TNS1: variants seen among roughly 807,000 people sequenced by gnomAD.
TNS1 encodes tensin 1, also known as tensin-1.
Under a neutral mutation model 168.6 loss-of-function variants are expected in TNS1, and 62 were observed. That is an observed-to-expected ratio of 0.37 (90% CI 0.30 to 0.45). The LOEUF (loss-of-function observed/expected upper bound fraction) is 0.45, where lower values mean the gene tolerates loss of function less well. Among genes scored for constraint, TNS1 ranks in the 20% least tolerant of loss-of-function variants. The pLI is 1.00. For missense variants in TNS1, 2,240 were observed against 2,339.4 expected, an observed-to-expected ratio of 0.96 and a Z score of 0.88; for synonymous variants, 934 against 933.2, an observed-to-expected ratio of 1.00 and a Z score of -0.02.
intron 4 of TNS1, among the ~76,000 whole-genome samples, chr2:217,910,017 CG>C (rs1485446473): frequency 6.6e-6 from 1 of 152,158 alleles, no homozygotes; most frequent in African/African-American, 2.4e-5. Context: ...TCTCTAGCCT[CG>C]GGGCAGCACC....
intron 18 of TNS1, chr2:217,879,455 C>T (rs557310656): frequency 1.1e-5 from 5 of 454,434 alleles, no homozygotes; most frequent in Admixed American, 9.4e-5. Flanking sequence ...TCACAAGCAG[C>T]CTGGGGGGTC....
At chr2:217,892,797 G>A in intron 11 of TNS1, 151 bp downstream of exon 11, 1 of 779,946 alleles carries the variant, frequency 1.3e-6, no homozygotes, top group Non-Finnish European at 2.0e-6. Flanking sequence ...TCCTGCCTCA[G>A]AGCCAGGGGC....
intron 1 of TNS1, among the ~76,000 whole-genome samples, chr2:218,024,031 A>G (rs748643889): frequency 3.9e-5 from 6 of 152,222 alleles, no homozygotes; most frequent in Admixed American, 3.9e-4. Context: ...AGAGCTTGGC[A>G]TATGCTCTAT....
At chr2:217,911,741 C>G (rs948334053) in intron 4 of TNS1, among the ~76,000 whole-genome samples, 2 of 152,182 alleles carry the variant, frequency 1.3e-5, no homozygotes, top group Admixed American at 1.3e-4. Flanking sequence ...GCTGTTTGAA[C>G]CTTGCTCCTC....
intron 4 of TNS1, among the ~76,000 whole-genome samples, chr2:217,916,448 C>T (rs1339188104): frequency 3.9e-5 from 6 of 152,194 alleles, no homozygotes; most frequent in African/African-American, 9.6e-5. Context: ...TGACATCCGC[C>T]GACCTTGGTG....
chr2:217,874,044 A>G lies in TNS1; in HGVS notation c.1429+6854T>C, dbSNP rs1189666034. Among the ~76,000 whole-genome samples, 7 of 137,214 alleles carry G rather than the reference A, an allele frequency of 5.1e-5. No individual in the cohort carries two copies. The East Asian group carries it at 1.7e-3, about 33-fold the overall frequency. 90.0% of individuals were successfully genotyped at this position (137,214 alleles called of 152,430 possible). The stretch of plus-strand genomic sequence containing the variant: ...AACCAACACACACACACACACACAC[A>G]CACACACACAGCTAGCAGCCAGGTA... On this transcript the variant is annotated intron_variant, in intron 18 of 32. Transcript: ENST00000682258.
At position 217,948,336 on chromosome 2, in the gene TNS1, G is replaced by C. The variant is rs989249809; in HGVS notation, c.187-28100C>G. On this transcript the variant is annotated intron_variant, in intron 3 of 32. Coordinates refer to ENST00000682258, the MANE Select transcript of TNS1 (RefSeq NM_001387777.1). The surrounding 1 kb of genome is among the most constrained non-coding windows in gnomAD (Gnocchi z 4.1). ...TCTCTTCTTCCCCCTCCATCACAGA[G>C]AAGGAAGGGCCACATGCCCAGGTCC... Among the ~76,000 whole-genome samples the C allele has an allele frequency of 2.0e-5, 3 of 152,156 alleles. No individual in the cohort carries two copies. The highest frequency in any genetic ancestry group is 7.2e-5 in the African/African-American group (3 of 41,438).
intron 18 of TNS1, among the ~76,000 whole-genome samples, chr2:217,863,255 C>T (rs1292191569): frequency 6.6e-6 from 1 of 152,034 alleles, no homozygotes; most frequent in African/African-American, 2.4e-5. Flanking sequence ...GCAGGTGGGA[C>T]AGGTGAGATC....
At chr2:217,970,471 A>C (rs1220962509) in intron 3 of TNS1, among the ~76,000 whole-genome samples, 2 of 152,230 alleles carry the variant, frequency 1.3e-5, no homozygotes, top group Non-Finnish European at 2.9e-5. Context: ...AACATTAGTC[A>C]TAATAACCAA....
At chr2:217,906,491 C>T (rs887639477) in intron 5 of TNS1, 106 bp from the exon 6 acceptor site, 9 of 675,430 alleles carry the variant, frequency 1.3e-5, no homozygotes, top group Non-Finnish European at 2.2e-5. Flanking sequence ...GGCAGAGGGG[C>T]CTGGGAAAGA....
chr2:217,909,423 G>C (rs190301374), intron 4 of TNS1, among the ~76,000 whole-genome samples: 1 of 152,108 alleles, frequency 6.6e-6, no homozygotes, highest in Admixed American at 6.5e-5. Context: ...CCCCAGGCCC[G>C]TTCAGGGCCC....
chr2:218,011,730 A>G (rs577424978), upstream of TNS1, among the ~76,000 whole-genome samples: 16 of 151,648 alleles, frequency 1.1e-4, no homozygotes, highest in African/African-American at 2.9e-4. Context: ...GCCCGTCCCC[A>G]TTGCAGCTCC....
Position 217,905,402 on chromosome 2 carries a change from A to G in TNS1, c.321+933T>C, listed in dbSNP as rs555782512. The G allele has an allele frequency of 9.6e-5, 43 of 448,710 alleles. 2 individuals carry two copies. Among genetic ancestry groups the G allele is most frequent in the South Asian group, 6.6e-4 (42 of 63,472 alleles). The allele number at this position is 448,710 out of a possible 1,614,324, so 27.8% of individuals were successfully genotyped here. ...TGCCGCTTTGTAGGGCTGGACATGC[A>G]GGGCTGCCCCAGGGCAATGTGGTGG... On this transcript the variant is annotated intron_variant, in intron 6 of 32. Transcript: ENST00000682258.
At chr2:218,006,369 G>A (rs143472729), upstream of TNS1, among the ~76,000 whole-genome samples, 6 of 152,262 alleles carry the variant, frequency 3.9e-5, no homozygotes, top group African/African-American at 1.2e-4. Flanking sequence ...CACCTTCTGC[G>A]ATGACACGAG....
intron 21 of TNS1, among the ~76,000 whole-genome samples, 166 bp downstream of exon 21, chr2:217,834,925 C>T (rs1461820246): frequency 6.6e-6 from 1 of 152,178 alleles, no homozygotes; most frequent in Admixed American, 6.5e-5. Context: ...ACAATGGCCA[C>T]AAGCAATGGA....
At chr2:217,979,604 G>A (rs764042969) in intron 2 of TNS1, among the ~76,000 whole-genome samples, 1 of 151,948 alleles carries the variant, frequency 6.6e-6, no homozygotes, top group African/African-American at 2.4e-5. Flanking sequence ...TTTCCTATAA[G>A]GTTCCCGAAG....
Position 217,991,066 on chromosome 2 carries a change from G to C in TNS1, c.34-10C>G, listed in dbSNP as rs929460393. 1.1e-5 allele frequency: 7 copies of C among 658,220 alleles called. No individual in the cohort carries two copies. Among genetic ancestry groups the C allele is most frequent in the African/African-American group, 1.8e-5 (1 of 56,628 alleles). The allele number at this position is 658,220 out of a possible 1,614,324, so 40.8% of individuals were successfully genotyped here. A position where few individuals can be genotyped will look rare whatever the true frequency, so the allele number is the denominator to read the frequency against. ...CCTCCAGATCCTCTGGCTGTGGGAG[G>C]AGAGGCACAGAGTCAGCCCTGGGTA... On this transcript the variant is annotated splice_polypyrimidine_tract_variant and intron_variant, in intron 1 of 32. Coordinates refer to ENST00000682258, the MANE Select transcript of TNS1 (RefSeq NM_001387777.1).
chr2:217,944,993 C>G (rs1957067175), intron 3 of TNS1, among the ~76,000 whole-genome samples: 1 of 152,220 alleles, frequency 6.6e-6, no homozygotes, highest in East Asian at 1.9e-4. Context: ...ACTATTAACT[C>G]TCACTTAGTC....
chr2:217,895,927 T>C (rs1952248495), intron 8 of TNS1, among the ~76,000 whole-genome samples: 1 of 152,228 alleles, frequency 6.6e-6, no homozygotes, highest in African/African-American at 2.4e-5. Context: ...CATAGAACCC[T>C]GGACTCCTAA....
Sources: allele counts gnomAD v4.1 joint callset (sites outside exome capture counted in the v4.1 genomes callset), GRCh38; gene constraint gnomAD v4.1.1; non-coding constraint Gnocchi (gnomAD v3.1); transcripts MANE v1.5; gene names NCBI Gene and HGNC (gene_info 2026-07-23, HGNC 2026-07-21).